ADGRL2: variants seen among roughly 807,000 people sequenced by gnomAD.
The protein encoded by ADGRL2 is adhesion G protein-coupled receptor L2.
A neutral mutation model predicts 157.4 loss-of-function variants in ADGRL2; 44 were observed. The observed-to-expected ratio is 0.28, with a 90% CI of 0.22 to 0.36. The LOEUF is 0.36. Ranked by LOEUF, ADGRL2 falls within the 10% of genes least tolerant of loss-of-function variation. ADGRL2 has a pLI of 1.00. For synonymous variants in ADGRL2, 585 were observed against 624.7 expected (o/e 0.94, Z 0.95); for missense variants, 1,510 against 1,768.9 (o/e 0.85, Z 2.63).
chr1:81,366,137 G>C (rs1557631396), intron 1 of ADGRL2, among the ~76,000 whole-genome samples: 1 of 151,914 alleles, frequency 6.6e-6, no homozygotes, highest in Non-Finnish European at 1.5e-5. Flanking sequence ...TCTTTAGAGA[G>C]TAGCTCTTTC....
At chr1:81,474,733 A>G (rs2078237810) in intron 2 of ADGRL2, among the ~76,000 whole-genome samples, 1 of 152,158 alleles carries the variant, frequency 6.6e-6, no homozygotes, top group Non-Finnish European at 1.5e-5. Flanking sequence ...AAATATTTCC[A>G]GTGCTTTAGA....
In ADGRL2 at chr1:81,943,331, T is replaced by A; in HGVS notation, c.772T>A (p.Ser258Thr). 1 of 1,613,618 alleles carries A rather than the reference T, an allele frequency of 6.2e-7. No individual in the cohort carries two copies. The highest frequency in any genetic ancestry group is 1.1e-5 in the South Asian group (1 of 91,072). ...IINYANYHDT[S>T]PYRWGGKTDI... is the part of the protein sequence containing the mutation. ...TAACTATGCCAACTACCATGATACC[T>A]CACCATACAGATGGGGAGGAAAGAC... Residue 258 changes from serine to threonine, a missense_variant, in exon 6 of 24, where the codon TCA (serine) becomes ACA (threonine). Physicochemically the swap from Ser to Thr is moderately conservative, Grantham distance 58 (BLOSUM62 1). Coordinates refer to ENST00000686636, the MANE Select transcript of ADGRL2 (RefSeq NM_001366006.2). The surrounding 1 kb of genome is among the most constrained non-coding windows in gnomAD (Gnocchi z 5.6).
intron 2 of ADGRL2, among the ~76,000 whole-genome samples, chr1:81,569,716 G>A (rs955679967): frequency 2.6e-5 from 4 of 152,154 alleles, no homozygotes; most frequent in African/African-American, 9.7e-5. Context: ...AGGCAGAGGT[G>A]AGAGGATTGC....
intron 16 of ADGRL2, among the ~76,000 whole-genome samples, chr1:81,971,031 G>C (rs531000341): frequency 6.6e-6 from 1 of 152,016 alleles, no homozygotes; most frequent in South Asian, 2.1e-4. Context: ...ACTGTCTTTC[G>C]TTCATAAAAG....
At chr1:81,833,281 T>G (rs1375610926) in intron 1 of ADGRL2, among the ~76,000 whole-genome samples, 1 of 152,240 alleles carries the variant, frequency 6.6e-6, no homozygotes, top group African/African-American at 2.4e-5. Context: ...GATGGGTGAC[T>G]TTGGTAGTTC....
At chr1:81,806,658 A>T (rs1338353694) in intron 1 of ADGRL2, among the ~76,000 whole-genome samples, 1 of 152,046 alleles carries the variant, frequency 6.6e-6, no homozygotes, top group Non-Finnish European at 1.5e-5. Context: ...GTGAATATTC[A>T]AATAACACTC....
chr1:81,742,382 G>A (rs1384833933), intron 1 of ADGRL2, among the ~76,000 whole-genome samples: 2 of 151,840 alleles, frequency 1.3e-5, no homozygotes, highest in Non-Finnish European at 2.9e-5. Flanking sequence ...TCTTCCATTA[G>A]TGGAAAAAAG....
chr1:81,939,006 A>G (rs757443675), intron 4 of ADGRL2, among the ~76,000 whole-genome samples: 6 of 151,606 alleles, frequency 4.0e-5, no homozygotes, highest in Non-Finnish European at 7.4e-5. Context: ...TCACCATCAG[A>G]TAACATTTAT....
intron 1 of ADGRL2, among the ~76,000 whole-genome samples, chr1:81,710,325 G>A (rs2083882323): frequency 6.6e-6 from 1 of 152,020 alleles, no homozygotes; most frequent in Non-Finnish European, 1.5e-5. Context: ...AAAAATTATT[G>A]AGGATTCTAA....
At chr1:81,676,782 G>C (rs560427716) in intron 3 of ADGRL2, among the ~76,000 whole-genome samples, 1 of 151,210 alleles carries the variant, frequency 6.6e-6, no homozygotes, top group East Asian at 2.0e-4. Flanking sequence ...CACCTCCCAG[G>C]TTCACGTCAT....
intron 3 of ADGRL2, among the ~76,000 whole-genome samples, chr1:81,668,622 G>C (rs2148906001): frequency 6.6e-6 from 1 of 152,230 alleles, no homozygotes; most frequent in Non-Finnish European, 1.5e-5. Context: ...GGAGTGCAGT[G>C]GTGTGATCTT....
intron 1 of ADGRL2, among the ~76,000 whole-genome samples, chr1:81,384,373 G>A (rs752871937): frequency 1.2e-4 from 19 of 152,126 alleles, no homozygotes; most frequent in Non-Finnish European, 2.2e-4. Flanking sequence ...GTGCACGCAT[G>A]TTTGTGACTA....
At chr1:81,865,085 T>A (rs2093500328) in intron 2 of ADGRL2, among the ~76,000 whole-genome samples, 1 of 152,210 alleles carries the variant, frequency 6.6e-6, no homozygotes, top group Non-Finnish European at 1.5e-5. Context: ...GTCTCTGCCC[T>A]TTTTCTCTAT....
intron 1 of ADGRL2, among the ~76,000 whole-genome samples, chr1:81,378,093 C>T (rs1266765798): frequency 5.9e-5 from 9 of 151,810 alleles, no homozygotes; most frequent in Admixed American, 5.2e-4. Context: ...GCAGGGGAAT[C>T]GCTTGAACCC....
intron 2 of ADGRL2, among the ~76,000 whole-genome samples, chr1:81,525,959 C>G (rs537384323): frequency 6.6e-6 from 1 of 152,064 alleles, no homozygotes; most frequent in Non-Finnish European, 1.5e-5. Flanking sequence ...GTGAGTTGAA[C>G]GCTAATAACT....
At chr1:81,885,283 G>T (rs2094101213) in intron 2 of ADGRL2, among the ~76,000 whole-genome samples, 1 of 151,970 alleles carries the variant, frequency 6.6e-6, no homozygotes, top group African/African-American at 2.4e-5. Context: ...TTTTATATAT[G>T]ACTCTTTTAA....
intron 2 of ADGRL2, among the ~76,000 whole-genome samples, chr1:81,490,374 C>T (rs1406127188): frequency 2.0e-5 from 3 of 152,118 alleles, no homozygotes; most frequent in African/African-American, 4.8e-5. Context: ...TCAGGTGATC[C>T]ACCGGCCCTG....
intron 1 of ADGRL2, among the ~76,000 whole-genome samples, chr1:81,820,233 T>C (rs2090845885): frequency 6.6e-6 from 1 of 152,212 alleles, no homozygotes; most frequent in South Asian, 2.1e-4. Flanking sequence ...TATCATCGAT[T>C]ATAATGAAGA....
At chr1:81,700,966 A>C (rs929420010) in intron 1 of ADGRL2, among the ~76,000 whole-genome samples, 1 of 152,264 alleles carries the variant, frequency 6.6e-6, no homozygotes, top group African/African-American at 2.4e-5. Context: ...GAGAGTTTGC[A>C]TGCAAATGCA....
Sources: allele counts gnomAD v4.1 joint callset (sites outside exome capture counted in the v4.1 genomes callset), GRCh38; gene constraint gnomAD v4.1.1; non-coding constraint Gnocchi (gnomAD v3.1); transcripts MANE v1.5; gene names NCBI Gene and HGNC (gene_info 2026-07-23, HGNC 2026-07-21).